Variants in GLRB observed in about 807,000 individuals in gnomAD.
The protein encoded by GLRB is glycine receptor subunit beta.
In GLRB, 33 loss-of-function variants were observed where a neutral mutation model predicts 54.2. That is an observed-to-expected ratio of 0.61 (90% CI 0.46 to 0.81). GLRB has a LOEUF of 0.81. Among genes scored for constraint, GLRB ranks in the 40% least tolerant of loss-of-function variants. GLRB has a pLI of 0.00. For synonymous variants in GLRB, 209 were observed against 208.2 expected, an observed-to-expected ratio of 1.00 and a Z score of -0.03; for missense variants, 572 against 584.6, an observed-to-expected ratio of 0.98 and a Z score of 0.22.
At chr4:157,164,839 T>C (rs964494186) in intron 9 of GLRB, among the ~76,000 whole-genome samples, 1 of 152,132 alleles carries the variant, frequency 6.6e-6, no homozygotes, top group African/African-American at 2.4e-5. Flanking sequence ...AACCCAATTA[T>C]GTTATTTTAA....
intron 2 of GLRB, among the ~76,000 whole-genome samples, chr4:157,101,573 G>C (rs1056383380): frequency 1.3e-5 from 2 of 151,976 alleles, no homozygotes; most frequent in Non-Finnish European, 2.9e-5. Flanking sequence ...AGACTAATTC[G>C]GATGAGATTT....
At chr4:157,122,735 G>A (rs1735878306) in intron 4 of GLRB, among the ~76,000 whole-genome samples, 1 of 151,852 alleles carries the variant, frequency 6.6e-6, no homozygotes, top group African/African-American at 2.4e-5. Flanking sequence ...TTATATGTTG[G>A]AACATTCAAA....
intron 3 of GLRB, 47 bp from the exon 4 acceptor site, chr4:157,122,283 C>T: frequency 1.3e-6 from 1 of 765,604 alleles, no homozygotes. Flanking sequence ...ATGATTCTGA[C>T]CAAGTTTTTT....
At chr4:157,092,485 T>G (rs1476210975) in intron 2 of GLRB, among the ~76,000 whole-genome samples, 2 of 152,244 alleles carry the variant, frequency 1.3e-5, no homozygotes, top group African/African-American at 4.8e-5. Context: ...TGTTTACTAT[T>G]ACTCTTGGTC....
intron 8 of GLRB, among the ~76,000 whole-genome samples, chr4:157,144,408 G>T (rs2126585095): frequency 6.6e-6 from 1 of 152,180 alleles, no homozygotes. Flanking sequence ...CCCAACCATT[G>T]GTTATTGTGT....
intron 8 of GLRB, among the ~76,000 whole-genome samples, chr4:157,152,232 T>A (rs1737047138): frequency 6.6e-6 from 1 of 152,152 alleles, no homozygotes; most frequent in Non-Finnish European, 1.5e-5. Context: ...GTCTTTTCTA[T>A]TAGTTTTTTT....
chr4:157,126,767 C>A (rs1736028142), intron 4 of GLRB, among the ~76,000 whole-genome samples: 1 of 151,768 alleles, frequency 6.6e-6, no homozygotes, highest in Non-Finnish European at 1.5e-5. Flanking sequence ...GAAAATGTGA[C>A]CTATCGAACT....
rs750870150 is a variant in GLRB, at chr4:157,078,119, G to A, written c.95G>A (p.Gly32Glu). 33 of 1,611,884 alleles carry A rather than the reference G, an allele frequency of 2.0e-5. No homozygotes were observed. The highest frequency in any genetic ancestry group is 5.0e-5 in the Admixed American group (3 of 59,970). The change falls in exon 2 of 10, where the codon GGG becomes GAG. Residue 32 changes from glycine (G) to glutamate (E), a missense_variant. Transcript: ENST00000264428. ...GAAAAGTCTTCAAAGAAAGGGAAGG[G>A]GAAAAAGAAGCAGTATCTATGCCCA... Reference protein sequence around the residue: ...SKEKSSKKGKGKKKQYLCPSQ... With the variant: ...SKEKSSKKGKEKKKQYLCPSQ...
chr4:157,163,493 C>T (rs1737592835), intron 9 of GLRB, among the ~76,000 whole-genome samples: 1 of 152,168 alleles, frequency 6.6e-6, no homozygotes, highest in Non-Finnish European at 1.5e-5. Context: ...CCTTGGCCCC[C>T]TCACCTCTTG....
intron 2 of GLRB, among the ~76,000 whole-genome samples, chr4:157,102,460 T>A (rs1735068540): frequency 6.6e-6 from 1 of 152,200 alleles, no homozygotes; most frequent in African/African-American, 2.4e-5. Context: ...GATTGGCTTA[T>A]TTCATTTAAC....
chr4:157,110,854 G>C (rs568286826), intron 2 of GLRB, among the ~76,000 whole-genome samples: 5 of 152,004 alleles, frequency 3.3e-5, no homozygotes, highest in African/African-American at 1.2e-4. Flanking sequence ...TTTTAAAGTG[G>C]CTCCCAGGTG....
At chr4:157,167,686 C>T (rs1159576519) in intron 9 of GLRB, among the ~76,000 whole-genome samples, 1 of 152,136 alleles carries the variant, frequency 6.6e-6, no homozygotes, top group Non-Finnish European at 1.5e-5. Context: ...ACTCTTTCGA[C>T]TTGTGTATAG....
At chr4:157,125,168 G>T (rs1054448000) in intron 4 of GLRB, among the ~76,000 whole-genome samples, 10 of 151,762 alleles carry the variant, frequency 6.6e-5, no homozygotes, top group South Asian at 6.2e-4. Context: ...ACCCAAAAGG[G>T]TATACATGTC....
intron 3 of GLRB, among the ~76,000 whole-genome samples, chr4:157,121,465 T>G (rs1735817612): frequency 6.6e-6 from 1 of 151,370 alleles, no homozygotes; most frequent in African/African-American, 2.4e-5. Flanking sequence ...GATTTTTTTT[T>G]TTTTTGCCTT....
intron 2 of GLRB, among the ~76,000 whole-genome samples, chr4:157,111,120 T>C (rs1050747308): frequency 2.6e-5 from 4 of 152,008 alleles, no homozygotes; most frequent in Non-Finnish European, 5.9e-5. Context: ...TACTGGGCCC[T>C]ATCAGTGCTC....
intron 9 of GLRB, among the ~76,000 whole-genome samples, chr4:157,161,657 C>T (rs560719099): frequency 9.2e-5 from 14 of 152,170 alleles, no homozygotes; most frequent in Non-Finnish European, 1.9e-4. Context: ...TGACTATTGG[C>T]CCCCACTCTC....
intron 4 of GLRB, among the ~76,000 whole-genome samples, chr4:157,124,289 G>A (rs1227779198): frequency 1.3e-5 from 2 of 151,624 alleles, no homozygotes; most frequent in Non-Finnish European, 2.9e-5. Flanking sequence ...CTTCTAAACA[G>A]AAATTTTCAT....
chr4:157,109,461 C>A (rs1484784133), intron 2 of GLRB, among the ~76,000 whole-genome samples: 1 of 151,924 alleles, frequency 6.6e-6, no homozygotes, highest in Non-Finnish European at 1.5e-5. Context: ...GTGTTTTTTA[C>A]ACTGTACTCT....
chr4:157,077,578 A>G (rs1734083386), intron 1 of GLRB, among the ~76,000 whole-genome samples: 1 of 152,196 alleles, frequency 6.6e-6, no homozygotes, highest in South Asian at 2.1e-4. Flanking sequence ...AAAAAGAAAA[A>G]GATACTTCCA....
Sources: allele counts gnomAD v4.1 joint callset (sites outside exome capture counted in the v4.1 genomes callset), GRCh38; gene constraint gnomAD v4.1.1; transcripts MANE v1.5; gene names NCBI Gene and HGNC (gene_info 2026-07-23, HGNC 2026-07-21).